SUMF1: variants seen among roughly 807,000 people sequenced by gnomAD.
SUMF1 encodes sulfatase modifying factor 1.
In SUMF1, 48 loss-of-function variants were observed where a neutral mutation model predicts 47.6. The ratio of observed to expected loss-of-function variants is 1.01; its 90% CI spans 0.80 to 1.28. The LOEUF (loss-of-function observed/expected upper bound fraction) is 1.28. Among genes scored for constraint, SUMF1 ranks in the 50% most tolerant of loss-of-function variants. The pLI, the probability that SUMF1 is intolerant of heterozygous loss-of-function variation, is 0.00. For missense variants in SUMF1, 571 were observed against 485.4 expected (o/e 1.18, Z -1.66); for synonymous variants, 230 against 192.1 (o/e 1.20, Z -1.63).
intron 9 of SUMF1, among the ~76,000 whole-genome samples, chr3:4,063,381 G>C (rs74751408): frequency 0.029 from 4,381 of 152,136 alleles, 218 homozygotes; most frequent in African/African-American, 0.1. Context: ...AAATGTTTTT[G>C]TGTCCTGTAG....
chr3:4,154,149 T>C (rs765805381), intron 8 of SUMF1, among the ~76,000 whole-genome samples: 1 of 151,492 alleles, frequency 6.6e-6, no homozygotes, highest in Non-Finnish European at 1.5e-5. Context: ...CTGAGCTACA[T>C]GTGGTAGAAT....
Position 4,418,083 on chromosome 3 carries a change from A to G in SUMF1, c.652T>C (p.Cys218Arg). 1.2e-6 allele frequency: 2 copies of G among 1,614,090 alleles called. No individual in the cohort carries two copies. Among genetic ancestry groups the G allele is most frequent in the Non-Finnish European group, 1.7e-6 (2 of 1,180,024 alleles). ...HVSWNDAVAYCTWAGKRLPTE... is the reference protein window; with the variant it reads ...HVSWNDAVAYRTWAGKRLPTE... Reference sequence around the variant, plus strand: ...GGCAGCCGCTTCCCTGCCCAAGTGCAGTAGGCAACCGCATCATTCCAGGAC... The same window carrying G: ...GGCAGCCGCTTCCCTGCCCAAGTGCGGTAGGCAACCGCATCATTCCAGGAC... The change falls in exon 5 of 9, where the codon TGC becomes CGC. Residue 218 changes from cysteine to arginine, a missense_variant. Cys to Arg is a radical substitution (Grantham distance 180). Coordinates refer to ENST00000272902, the MANE Select transcript of SUMF1 (RefSeq NM_182760.4).
intron 8 of SUMF1, 150 bp from the exon 9 acceptor site, chr3:4,362,404 G>A: frequency 2.9e-6 from 2 of 692,368 alleles, no homozygotes; most frequent in South Asian, 1.6e-5. Context: ...AAAAAGGGCA[G>A]CACATTCAAG....
At chr3:4,337,958 C>A (rs1198546826) in intron 8 of SUMF1, among the ~76,000 whole-genome samples, 2 of 152,134 alleles carry the variant, frequency 1.3e-5, no homozygotes, top group Non-Finnish European at 2.9e-5. Flanking sequence ...GATAAAAAAT[C>A]AAGGGCAGCT....
At chr3:4,427,933 G>A (rs906719559) in intron 3 of SUMF1, among the ~76,000 whole-genome samples, 1 of 151,926 alleles carries the variant, frequency 6.6e-6, no homozygotes, top group African/African-American at 2.4e-5. Context: ...CAGGGCAGGG[G>A]GAACTGATTT....
chr3:4,451,152 C>T (rs192513445), intron 2 of SUMF1, among the ~76,000 whole-genome samples: 10 of 151,736 alleles, frequency 6.6e-5, no homozygotes, highest in Non-Finnish European at 1.3e-4. Context: ...TATTAATAAA[C>T]AAACCAGTGC....
intron 5 of SUMF1, 82 bp downstream of exon 5, chr3:4,417,928 T>C: frequency 6.2e-7 from 1 of 1,600,332 alleles, no homozygotes; most frequent in Non-Finnish European, 8.6e-7. Context: ...CTAACCAAAG[T>C]AAGTTCCATG....
At chr3:4,352,234 C>T (rs908834753) in intron 8 of SUMF1, among the ~76,000 whole-genome samples, 9 of 152,240 alleles carry the variant, frequency 5.9e-5, no homozygotes, top group African/African-American at 2.2e-4. Flanking sequence ...ACCGTGTCAC[C>T]TGGGGCATCT....
chr3:4,066,883 T>G (rs969829165), intron 9 of SUMF1, among the ~76,000 whole-genome samples: 1 of 152,168 alleles, frequency 6.6e-6, no homozygotes, highest in Admixed American at 6.6e-5. Flanking sequence ...GTGATGAGCA[T>G]AGCAGCCAGC....
chr3:4,260,379 A>T (rs1697060173), intron 8 of SUMF1, among the ~76,000 whole-genome samples: 1 of 152,210 alleles, frequency 6.6e-6, no homozygotes, highest in Non-Finnish European at 1.5e-5. Flanking sequence ...TGTTTCTTAA[A>T]GAGAAACCAA....
chr3:4,274,241 G>C (rs574082137), intron 8 of SUMF1, among the ~76,000 whole-genome samples: 2 of 152,168 alleles, frequency 1.3e-5, no homozygotes, highest in African/African-American at 4.8e-5. Context: ...ATAATACCAT[G>C]TTTGACCAAC....
At chr3:4,316,422 G>C (rs766112717) in intron 8 of SUMF1, 2 of 1,591,036 alleles carry the variant, frequency 1.3e-6, no homozygotes, top group Middle Eastern at 1.8e-4. Context: ...CCGGCCATCA[G>C]AAGTTGACAA....
intron 3 of SUMF1, 44 bp from the exon 4 acceptor site, chr3:4,420,190 A>G (rs1701845966): frequency 2.7e-6 from 4 of 1,473,616 alleles, no homozygotes; most frequent in Non-Finnish European, 3.8e-6. Flanking sequence ...ACTAACATCA[A>G]CTCTAGAAAA....
chr3:4,279,674 T>A (rs985010566), intron 8 of SUMF1, among the ~76,000 whole-genome samples: 1 of 152,012 alleles, frequency 6.6e-6, no homozygotes, highest in Non-Finnish European at 1.5e-5. Context: ...AATAAAGCCA[T>A]GTTGTGTTTA....
chr3:4,159,432 C>T (rs1694526000), intron 8 of SUMF1, among the ~76,000 whole-genome samples: 1 of 151,698 alleles, frequency 6.6e-6, no homozygotes, highest in Admixed American at 6.5e-5. Flanking sequence ...AACCATAATA[C>T]AAACTCTACA....
downstream of SUMF1, among the ~76,000 whole-genome samples, chr3:4,360,902 A>C (rs1248421686): frequency 6.6e-6 from 1 of 152,106 alleles, no homozygotes; most frequent in East Asian, 1.9e-4. Context: ...ACCACAAGTG[A>C]GGCAGTGCCT....
At chr3:4,081,728 C>CAATT (rs1692564318) in intron 8 of SUMF1, among the ~76,000 whole-genome samples, 1 of 152,076 alleles carries the variant, frequency 6.6e-6, no homozygotes, top group African/African-American at 2.4e-5. Flanking sequence ...ATGCAATGGT[C>CAATT]AATTGTATGT....
Position 4,246,222 on chromosome 3 carries a change from A to G in SUMF1, c.1014+130108T>C, listed in dbSNP as rs139871756. 2.7e-3 allele frequency among the ~76,000 whole-genome samples: 413 copies of G among 152,212 alleles called. 4 individuals are homozygous for G. The highest frequency in any genetic ancestry group is 9.5e-3 in the African/African-American group (393 of 41,542). On this transcript the variant is annotated intron_variant and NMD_transcript_variant, in intron 8 of 12. Coordinates refer to the SUMF1 transcript ENST00000448413. ...TCTGATCCCTTGTGCTTCCCGGGTG[A>G]GGTGACACCCCGCCCTGCTTCTGCT...
intron 2 of SUMF1, among the ~76,000 whole-genome samples, chr3:4,451,446 G>A (rs561870019): frequency 2.2e-4 from 34 of 152,178 alleles, no homozygotes; most frequent in South Asian, 6.2e-4. Context: ...AAGTAATCGC[G>A]GTCTTTGCCA....
Sources: allele counts gnomAD v4.1 joint callset (sites outside exome capture counted in the v4.1 genomes callset), GRCh38; gene constraint gnomAD v4.1.1; transcripts MANE v1.5; gene names NCBI Gene and HGNC (gene_info 2026-07-23, HGNC 2026-07-21).